Variants in RTTN observed in about 807,000 individuals in gnomAD.
RTTN encodes rotatin.
A neutral mutation model predicts 269.2 loss-of-function variants in RTTN; 182 were observed. The ratio of observed to expected loss-of-function variants is 0.68; its 90% CI spans 0.60 to 0.76. RTTN has a LOEUF of 0.76. Ranked by LOEUF, RTTN falls within the 30% of genes least tolerant of loss-of-function variation. RTTN has a pLI of 0.00. For missense variants in RTTN, 2,545 were observed against 2,608.6 expected, an observed-to-expected ratio of 0.98 and a Z score of 0.53; for synonymous variants, 1,006 against 963.5, an observed-to-expected ratio of 1.04 and a Z score of -0.82.
Position 70,140,174 on chromosome 18 carries a change from C to T in RTTN, c.2596G>A (p.Ala866Thr). 1 of 1,575,760 alleles carries T rather than the reference C, an allele frequency of 6.3e-7. No homozygotes were observed. The highest frequency in any genetic ancestry group is 8.7e-7 in the Non-Finnish European group (1 of 1,146,828). Reference sequence around the variant, plus strand: ...ATTAAGCATAACTTTTTCACCACAGCATGCATTTTAATATCTGTAGATAAA... The same window carrying T: ...ATTAAGCATAACTTTTTCACCACAGTATGCATTTTAATATCTGTAGATAAA... ...AVIMQDIKMH[A>T]VVKKLCLIDK... Residue 866 changes from alanine to threonine, a missense_variant, in exon 20 of 49, where the codon GCT becomes ACT. By Grantham distance (58) the Ala-to-Thr change is moderately conservative. Transcript: ENST00000640769.
At chr18:70,051,613 T>C (rs2144810693) in intron 38 of RTTN, 65 bp from the exon 39 acceptor site, 1 of 1,261,414 alleles carries the variant, frequency 7.9e-7, no homozygotes, top group Admixed American at 2.4e-5. Flanking sequence ...TTTCAAGATA[T>C]AAAACTTACC....
chr18:70,113,780 C>T (rs2059534647), intron 27 of RTTN, among the ~76,000 whole-genome samples: 1 of 152,122 alleles, frequency 6.6e-6, no homozygotes, highest in South Asian at 2.1e-4. Context: ...AGTGAAGAAG[C>T]TAGACGCTAA....
chr18:70,075,840 T>A (rs142896388), intron 32 of RTTN, among the ~76,000 whole-genome samples: 2 of 152,022 alleles, frequency 1.3e-5, no homozygotes, highest in African/African-American at 4.8e-5. Context: ...AATCATATAC[T>A]TGCACCAAAA....
At chr18:70,185,837 G>A (rs1463715038) in intron 10 of RTTN, among the ~76,000 whole-genome samples, 1 of 151,432 alleles carries the variant, frequency 6.6e-6, no homozygotes, top group Non-Finnish European at 1.5e-5. Flanking sequence ...CCAAATAGAC[G>A]ATCAATACAC....
intron 6 of RTTN, 71 bp downstream of exon 6, chr18:70,197,553 C>T: frequency 1.1e-6 from 1 of 893,274 alleles, no homozygotes; most frequent in Non-Finnish European, 1.9e-6. Flanking sequence ...AGAACTCCTA[C>T]TCTGCAAAAT....
chr18:70,060,048 A>G lies in RTTN; in HGVS notation c.4748-6T>C. On this transcript the variant is annotated splice_region_variant and splice_polypyrimidine_tract_variant and intron_variant, in intron 35 of 48. Transcript: ENST00000640769. ...TGATGTACTTTCCTGGTGACCTATT[A>G]TTGAAAATAAACATAAGAATTATTA... 1 of 1,598,448 alleles carries G rather than the reference A, an allele frequency of 6.3e-7. No homozygotes were observed. The highest frequency in any genetic ancestry group is 8.5e-7 in the Non-Finnish European group (1 of 1,171,864).
intron 28 of RTTN, among the ~76,000 whole-genome samples, chr18:70,094,087 G>A (rs1474900572): frequency 2.3e-5 from 1 of 44,006 alleles, no homozygotes; most frequent in South Asian, 2.5e-3. Context: ...TTGCGTAGAG[G>A]TGTTTATAAC....
chr18:70,085,666 A>T (rs1270383164), intron 32 of RTTN, among the ~76,000 whole-genome samples: 2 of 152,184 alleles, frequency 1.3e-5, no homozygotes, highest in African/African-American at 2.4e-5. Context: ...AAATTACCTA[A>T]AACTGCAGCA....
chr18:70,175,045 C>CAAAAAAAA (rs5825998), intron 11 of RTTN, among the ~76,000 whole-genome samples: 1,273 of 84,326 alleles, frequency 0.015, no homozygotes, highest in East Asian at 0.017. Context: ...AAACCAAAAC[C>CAAAAAAAA]AAAAAAAAAA....
chr18:70,013,803 T>C (rs767624897), intron 46 of RTTN, among the ~76,000 whole-genome samples: 1 of 152,200 alleles, frequency 6.6e-6, no homozygotes. Context: ...AGAAAAGTTC[T>C]TAAAGTTTTT....
intron 28 of RTTN, among the ~76,000 whole-genome samples, chr18:70,105,570 G>A (rs769814568): frequency 2.2e-4 from 34 of 152,290 alleles, no homozygotes; most frequent in Non-Finnish European, 2.6e-4. Context: ...CGTCTTCTGC[G>A]TCGCTCATGC....
intron 1 of RTTN, 32 bp downstream of exon 1, chr18:70,205,596 G>T (rs748847977): frequency 6.2e-7 from 1 of 1,613,754 alleles, no homozygotes; most frequent in Non-Finnish European, 8.5e-7. Flanking sequence ...AGCGCGGGGG[G>T]TGCCTTGGGC....
chr18:70,196,658 A>AG lies in RTTN; in HGVS notation c.694-11dup. 6.2e-7 allele frequency: 1 copy of AG among 1,606,046 alleles called. No individual in the cohort carries two copies. Among genetic ancestry groups the AG allele is most frequent in the Non-Finnish European group, 8.5e-7 (1 of 1,178,002 alleles). On this transcript the variant is annotated splice_polypyrimidine_tract_variant and intron_variant, in intron 6 of 48. Coordinates refer to ENST00000640769, the MANE Select transcript of RTTN (RefSeq NM_173630.4). ...ACAGAGATAAAAGGCTCTGAAATCA[A>AG]GAAGAGCCGTGAAAATTACTAAGGG...
intron 34 of RTTN, among the ~76,000 whole-genome samples, chr18:70,072,818 TATC>T (rs377202373): frequency 5.9e-5 from 9 of 152,180 alleles, no homozygotes; most frequent in African/African-American, 1.9e-4. Flanking sequence ...GTTTGGCATT[TATC>T]ATATTACTGC....
rs750239900 is a variant in RTTN at position 70,205,680 on chromosome 18, C to T, written c.-22G>A. ...CCATCTCGTCCCGTCAATCTGCAGC[C>T]GCCGGAGAATTAAACTGCCGCGCCA... On this transcript the variant is annotated 5_prime_UTR_variant, in exon 1 of 49. Transcript: ENST00000640769. 4 of 1,614,048 alleles carry T rather than the reference C, an allele frequency of 2.5e-6. No homozygotes were observed. The highest frequency in any genetic ancestry group is 3.4e-6 in the Non-Finnish European group (4 of 1,179,962).
chr18:70,116,845 T>G (rs750889689), intron 26 of RTTN, among the ~76,000 whole-genome samples: 1 of 152,010 alleles, frequency 6.6e-6, no homozygotes, highest in Non-Finnish European at 1.5e-5. Flanking sequence ...AAAATATATA[T>G]GCTGTGTAGT....
chr18:70,192,669 C>CAAAAAAAA, intron 8 of RTTN, among the ~76,000 whole-genome samples: 1 of 89,882 alleles, frequency 1.1e-5, no homozygotes, highest in Non-Finnish European at 2.2e-5. Flanking sequence ...GACCTTGTCT[C>CAAAAAAAA]AAAAAAAAAA....
At chr18:70,055,137 A>T (rs1400029337) in intron 37 of RTTN, among the ~76,000 whole-genome samples, 1 of 152,214 alleles carries the variant, frequency 6.6e-6, no homozygotes, top group Non-Finnish European at 1.5e-5. Context: ...TAATATTGTT[A>T]AGTATTAACT....
chr18:70,029,667 AGTT>A (rs988297330), intron 42 of RTTN, among the ~76,000 whole-genome samples: 1 of 152,232 alleles, frequency 6.6e-6, no homozygotes, highest in African/African-American at 2.4e-5. Context: ...AATAAATTAT[AGTT>A]GTTACAGATC....
Sources: gnomAD v4.1 joint callset for allele counts (sites outside exome capture counted in the v4.1 genomes callset) on GRCh38, gnomAD v4.1.1 for gene constraint, MANE v1.5 for transcripts, NCBI Gene and HGNC (gene_info 2026-07-23, HGNC 2026-07-21) for gene names.